Variants in RP1 observed in about 807,000 individuals in gnomAD.
RP1 encodes oxygen-regulated protein 1.
Under a neutral mutation model 14.8 loss-of-function variants are expected in RP1, and 16 were observed. That is an observed-to-expected ratio of 1.08 (90% confidence interval 0.73 to 1.65). The LOEUF (loss-of-function observed/expected upper bound fraction) is 1.65, where lower values mean the gene tolerates loss of function less well. Among genes scored for constraint, RP1 ranks in the 40% most tolerant of loss-of-function variants. The pLI, the probability that RP1 is intolerant of heterozygous loss-of-function variation, is 0.00. For synonymous variants in RP1, 876 were observed against 883.6 expected (o/e 0.99, Z 0.15); for missense variants, 2,631 against 2,535.0 (o/e 1.04, Z -0.81).
intron 15 of RP1, among the ~76,000 whole-genome samples, chr8:54,709,044 A>G (rs1225993579): frequency 6.6e-6 from 1 of 152,068 alleles, no homozygotes; most frequent in Non-Finnish European, 1.5e-5. Context: ...TAAGTATCTC[A>G]CCCAGAGTCC....
At chr8:54,759,649 C>A (rs1451483066) in intron 22 of RP1, among the ~76,000 whole-genome samples, 1 of 152,158 alleles carries the variant, frequency 6.6e-6, no homozygotes, top group Admixed American at 6.5e-5. Context: ...AAATCCCACA[C>A]CTTCTTGCTT....
intron 27 of RP1, among the ~76,000 whole-genome samples, chr8:54,859,250 G>T (rs556509333): frequency 4.6e-5 from 7 of 151,236 alleles, no homozygotes; most frequent in African/African-American, 1.7e-4. Flanking sequence ...CTGTAAGGTG[G>T]TGTCACTACA....
intron 24 of RP1, among the ~76,000 whole-genome samples, chr8:54,809,142 C>T (rs1343021012): frequency 6.6e-6 from 1 of 152,238 alleles, no homozygotes; most frequent in South Asian, 2.1e-4. Context: ...CTTTTGCTTC[C>T]TTCACTGCCT....
chr8:54,843,928 A>C (rs1051389198), intron 25 of RP1, among the ~76,000 whole-genome samples: 2 of 152,200 alleles, frequency 1.3e-5, no homozygotes, highest in Non-Finnish European at 2.9e-5. Context: ...GGAACTCCCC[A>C]AAACACAATT....
chr8:54,599,978 C>T (rs976004493), intron 1 of RP1, among the ~76,000 whole-genome samples: 1 of 152,140 alleles, frequency 6.6e-6, no homozygotes, highest in Non-Finnish European at 1.5e-5. Context: ...TACACTGCCT[C>T]ATTTGACATC....
chr8:54,640,011 T>A (rs1429504710), intron 3 of RP1, among the ~76,000 whole-genome samples: 5 of 152,146 alleles, frequency 3.3e-5, no homozygotes, highest in African/African-American at 1.2e-4. Context: ...ATCTAAGAAA[T>A]CTCTGCCTGC....
chr8:54,707,812 A>T (rs1305370337), intron 15 of RP1, among the ~76,000 whole-genome samples: 1 of 152,230 alleles, frequency 6.6e-6, no homozygotes, highest in East Asian at 1.9e-4. Context: ...GCACATGCAC[A>T]TACACACGTG....
At chr8:54,638,909 G>GTCT (rs1806405681) in intron 3 of RP1, among the ~76,000 whole-genome samples, 2 of 115,372 alleles carry the variant, frequency 1.7e-5, no homozygotes, top group African/African-American at 7.3e-5. Flanking sequence ...TCTCTCTCTC[G>GTCT]GTCTCTCTCA....
chr8:54,812,123 A>G (rs1041309617), intron 24 of RP1, among the ~76,000 whole-genome samples: 1 of 152,174 alleles, frequency 6.6e-6, no homozygotes, highest in Admixed American at 6.5e-5. Flanking sequence ...AGAAATATGT[A>G]CGTTTGTCAG....
At chr8:54,715,824 C>T (rs771990812) in intron 15 of RP1, among the ~76,000 whole-genome samples, 2 of 152,152 alleles carry the variant, frequency 1.3e-5, no homozygotes, top group Non-Finnish European at 2.9e-5. Context: ...ACTAGTGCTA[C>T]AGTAGATATA....
At chr8:54,569,647 C>A (rs1440211949) in intron 1 of RP1, among the ~76,000 whole-genome samples, 1 of 152,168 alleles carries the variant, frequency 6.6e-6, no homozygotes, top group African/African-American at 2.4e-5. Flanking sequence ...AGTTTTTACA[C>A]CAAGTAATGA....
chr8:54,756,668 C>T (rs1229659092), intron 21 of RP1, among the ~76,000 whole-genome samples: 1 of 152,140 alleles, frequency 6.6e-6, no homozygotes, highest in Non-Finnish European at 1.5e-5. Flanking sequence ...TAATATTACG[C>T]TAAGTGATCA....
At chr8:54,749,683 T>G (rs1342541637) in intron 19 of RP1, among the ~76,000 whole-genome samples, 1 of 152,078 alleles carries the variant, frequency 6.6e-6, no homozygotes, top group Admixed American at 6.6e-5. Context: ...TTCTTAAAAT[T>G]TCCTGCTTGA....
At chr8:54,786,142 C>T (rs1418108212) in intron 24 of RP1, among the ~76,000 whole-genome samples, 4 of 152,006 alleles carry the variant, frequency 2.6e-5, no homozygotes, top group South Asian at 2.1e-4. Flanking sequence ...TCTTTCAAAT[C>T]GGACTGAAGA....
At chr8:54,795,338 T>A (rs1810554966) in intron 24 of RP1, among the ~76,000 whole-genome samples, 1 of 152,002 alleles carries the variant, frequency 6.6e-6, no homozygotes, top group Admixed American at 6.6e-5. Flanking sequence ...TATCTCTCCA[T>A]CAATGAATGA....
At chr8:54,664,910 G>A (rs1281923259) in intron 7 of RP1, among the ~76,000 whole-genome samples, 1 of 152,018 alleles carries the variant, frequency 6.6e-6, no homozygotes, top group Non-Finnish European at 1.5e-5. Flanking sequence ...TGGGTGATGG[G>A]ATCATTCATA....
chr8:54,579,460 ACT>A (rs59151107), intron 1 of RP1, among the ~76,000 whole-genome samples: 28,478 of 151,904 alleles, frequency 0.19, 2,711 homozygotes, highest in African/African-American at 0.22. Flanking sequence ...AGTGATGAAG[ACT>A]CTGGTGTCTT....
chr8:54,589,675 G>A lies in RP1; in HGVS notation c.-13+30355G>A, dbSNP rs537667029. ...AGCCTTGTATTTTTAGATATCTACAGGACATTGCTAATTGGAGCTCAAGAT... is the reference window on the plus strand; with the variant it reads ...AGCCTTGTATTTTTAGATATCTACAAGACATTGCTAATTGGAGCTCAAGAT... On this transcript the variant is annotated intron_variant, in intron 1 of 22. Transcript: ENST00000636932. Among the ~76,000 whole-genome samples, 50 of 152,178 alleles carry A rather than the reference G, an allele frequency of 3.3e-4. No individual in the cohort carries two copies. The South Asian group carries it at 0.01, about 32-fold the overall frequency.
chr8:54,682,536 T>C (rs902501311), intron 12 of RP1, among the ~76,000 whole-genome samples: 1 of 152,196 alleles, frequency 6.6e-6, no homozygotes, highest in Admixed American at 6.5e-5. Flanking sequence ...TGCAGCACTA[T>C]TCACAGTAGC....
Sources: gnomAD v4.1 joint callset for allele counts (sites outside exome capture counted in the v4.1 genomes callset) on GRCh38, gnomAD v4.1.1 for gene constraint, MANE v1.5 for transcripts, NCBI Gene and HGNC (gene_info 2026-07-23, HGNC 2026-07-21) for gene names.